Variants in ATP2B2 observed in about 807,000 individuals in gnomAD.
ATP2B2 encodes the protein ATPase plasma membrane Ca2+ transporting 2.
A neutral mutation model predicts 120.0 loss-of-function variants in ATP2B2; 15 were observed. The ratio of observed to expected loss-of-function variants is 0.12; its 90% CI spans 0.08 to 0.19. ATP2B2 has a LOEUF of 0.19. Among genes scored for constraint, ATP2B2 ranks in the 10% least tolerant of loss-of-function variants. The pLI is 1.00. For missense variants in ATP2B2, 1,045 were observed against 1,719.8 expected (o/e 0.61, Z 6.94); for synonymous variants, 694 against 700.3 (o/e 0.99, Z 0.14).
At chr3:10,422,316 T>G (rs1022791938) in intron 2 of ATP2B2, among the ~76,000 whole-genome samples, 3 of 152,214 alleles carry the variant, frequency 2.0e-5, no homozygotes, top group Non-Finnish European at 2.9e-5. Context: ...GTTGCGGGCA[T>G]CTGCTGTGAT....
chr3:10,420,551 G>A lies in ATP2B2; in HGVS notation c.200-9736C>T, dbSNP rs181840372. Among the ~76,000 whole-genome samples, 13 of 152,202 alleles carry A rather than the reference G, an allele frequency of 8.5e-5. No individual in the cohort carries two copies. The East Asian group carries it at 2.3e-3, about 27-fold the overall frequency. On this transcript the variant is annotated intron_variant, in intron 2 of 22. Transcript: ENST00000360273. The stretch of plus-strand genomic sequence containing the variant: ...TAATTTTTGTATTTTTAGTTGAGAT[G>A]GGGTTTCACCATGTTGGCCATGCTG...
intron 2 of ATP2B2, among the ~76,000 whole-genome samples, chr3:10,540,638 G>A (rs1431212930): frequency 1.1e-4 from 16 of 148,332 alleles, no homozygotes; most frequent in Non-Finnish European, 2.1e-4. Flanking sequence ...CAAACATTGC[G>A]TGTTCTCACT....
chr3:10,428,214 T>C (rs2063203226), intron 2 of ATP2B2, among the ~76,000 whole-genome samples: 1 of 152,198 alleles, frequency 6.6e-6, no homozygotes, highest in Non-Finnish European at 1.5e-5. Context: ...CCCATCTCGC[T>C]GAGTTATAGT....
At chr3:10,378,231 C>T in intron 10 of ATP2B2, 21 bp downstream of exon 10, 1 of 1,601,994 alleles carries the variant, frequency 6.2e-7, no homozygotes, top group Non-Finnish European at 8.5e-7. Flanking sequence ...CTGTCCCCTG[C>T]CTCCCACCTG....
chr3:10,548,326 T>C (rs1327810176), intron 2 of ATP2B2, among the ~76,000 whole-genome samples: 1 of 152,176 alleles, frequency 6.6e-6, no homozygotes, highest in Non-Finnish European at 1.5e-5. Context: ...ATCCCACAGA[T>C]CTAACCACCA....
chr3:10,512,471 C>CACACAG (rs2066786351), intron 3 of ATP2B2, among the ~76,000 whole-genome samples: 2 of 53,270 alleles, frequency 3.8e-5, no homozygotes, highest in Non-Finnish European at 8.6e-5. Context: ...TGCGCACACA[C>CACACAG]ACACACACAC....
intron 22 of ATP2B2, chr3:10,336,014 C>A: frequency 7.8e-7 from 1 of 1,274,010 alleles, no homozygotes; most frequent in Non-Finnish European, 1.1e-6. Flanking sequence ...ACCCTTCATC[C>A]CCCTGGGCCT....
At chr3:10,546,360 C>A (rs922027531) in intron 2 of ATP2B2, among the ~76,000 whole-genome samples, 1 of 152,198 alleles carries the variant, frequency 6.6e-6, no homozygotes, top group African/African-American at 2.4e-5. Context: ...ACAAATGATG[C>A]CTGTGTGTCC....
intron 2 of ATP2B2, among the ~76,000 whole-genome samples, chr3:10,414,044 G>C (rs974049244): frequency 6.6e-6 from 1 of 152,198 alleles, no homozygotes; most frequent in Non-Finnish European, 1.5e-5. Context: ...GGTAGGTCCT[G>C]AGAATCCCAG....
Position 10,402,060 on chromosome 3 carries a change from T to C in ATP2B2, c.655+31A>G, listed in dbSNP as rs965828118. The C allele has an allele frequency of 6.2e-7, 1 of 1,611,562 alleles. No individual in the cohort carries two copies. ...TCCCACCTCTGCCGGAATCCAGCTT[T>C]AGAACCTGGCTCTGTGGCTGGGACA... On this transcript the variant is annotated intron_variant, in intron 4 of 22. Coordinates refer to ENST00000360273, the MANE Select transcript of ATP2B2 (RefSeq NM_001001331.4). The surrounding 1 kb of genome is among the most constrained non-coding windows in gnomAD (Gnocchi z 4.9).
In ATP2B2 at chr3:10,419,529, C is replaced by T. The variant is rs568641402; in HGVS notation, c.200-8714G>A. On this transcript the variant is annotated intron_variant, in intron 2 of 22. Coordinates refer to ENST00000360273, the MANE Select transcript of ATP2B2 (RefSeq NM_001001331.4). ...AGAACACCACCACAGCCATAACATG[C>T]CCCTACCTAGATCGGGAGACCTGGT... Among the ~76,000 whole-genome samples, 154 of 152,340 alleles carry T rather than the reference C, an allele frequency of 1.0e-3. 7 individuals are homozygous for T. In the South Asian group the frequency reaches 0.032, roughly 31 times the overall value.
Position 10,343,915 on chromosome 3 carries a change from G to GT in ATP2B2, c.2704-951dup, listed in dbSNP as rs1033102027. ...TTTAGTTACATCCGTCTAGTGGCCT[G>GT]TGGAACACCTCCTCCAGGAAGCCCC... On this transcript the variant is annotated intron_variant, in intron 18 of 22. Coordinates refer to ENST00000360273, the MANE Select transcript of ATP2B2 (RefSeq NM_001001331.4). This position sits in a 1 kb window ranked among gnomAD's most constrained non-coding sequence, Gnocchi z 4.2. 9.2e-5 allele frequency among the ~76,000 whole-genome samples: 14 copies of GT among 152,016 alleles called. No individual in the cohort carries two copies. Among genetic ancestry groups the GT allele is most frequent in the African/African-American group, 3.4e-4 (14 of 41,364 alleles).
chr3:10,508,498 G>A (rs765735239), upstream of ATP2B2, among the ~76,000 whole-genome samples: 3 of 152,234 alleles, frequency 2.0e-5, no homozygotes, highest in Admixed American at 6.5e-5. Flanking sequence ...GTAAAGGCTT[G>A]AATGAGTCTG....
intron 1 of ATP2B2, among the ~76,000 whole-genome samples, chr3:10,693,485 T>C (rs1287458845): frequency 6.6e-6 from 1 of 152,220 alleles, no homozygotes; most frequent in Admixed American, 6.5e-5. Flanking sequence ...GTGGACAGGA[T>C]TAACTCCCAG....
intron 1 of ATP2B2, among the ~76,000 whole-genome samples, chr3:10,500,108 T>C (rs1217613816): frequency 2.0e-5 from 3 of 151,888 alleles, no homozygotes; most frequent in Non-Finnish European, 2.9e-5. Context: ...CTAACTTTTT[T>C]TGTATTTTTA....
At chr3:10,590,883 G>C (rs58807847) in intron 2 of ATP2B2, among the ~76,000 whole-genome samples, 5,440 of 152,128 alleles carry the variant, frequency 0.036, 316 homozygotes, top group African/African-American at 0.12. Context: ...CTCAGCTCCT[G>C]GGCTCCCTGA....
At chr3:10,410,526 A>C in intron 3 of ATP2B2, 92 bp downstream of exon 3, 1 of 1,426,068 alleles carries the variant, frequency 7.0e-7, no homozygotes, top group Non-Finnish European at 9.5e-7. Flanking sequence ...CCCTGGGAGG[A>C]GAGGATTATT....
rs559992595 is a variant in ATP2B2 at position 10,376,647 on chromosome 3, G to A, written c.1202-1003C>T. 1.8e-4 allele frequency among the ~76,000 whole-genome samples: 27 copies of A among 152,358 alleles called. No homozygotes were observed. In the East Asian group the frequency reaches 5.0e-3, roughly 28 times the overall value. ...ACACCCGCAGACTCTGACAGAGGAA[G>A]AGCCTGCTCAGGTGACTGGGTCCCC... On this transcript the variant is annotated intron_variant, in intron 10 of 22. Coordinates refer to ENST00000360273, the MANE Select transcript of ATP2B2 (RefSeq NM_001001331.4).
chr3:10,378,345 C>T lies in ATP2B2; in HGVS notation c.1108G>A (p.Ala370Thr), dbSNP rs766822562. 3.2e-5 allele frequency: 52 copies of T among 1,607,604 alleles called. No individual in the cohort carries two copies. The highest frequency in any genetic ancestry group is 1.3e-4 in the East Asian group (6 of 44,906). The change falls in exon 10 of 23, where the codon GCT (alanine) becomes ACT (threonine). Residue 370 changes from alanine (A) to threonine (T), a missense_variant. Coordinates refer to ENST00000360273, the MANE Select transcript of ATP2B2 (RefSeq NM_001001331.4). ...ATGCTGGCCTTCTTCCTGTCGTCAG[C>T]GTCGCCGCCCTCGGCACTCTTGAGG... Reference protein sequence around the residue: ...QPLKSAEGGDADDRKKASMHK... With the variant: ...QPLKSAEGGDTDDRKKASMHK...
Sources: gnomAD v4.1 joint callset for allele counts (sites outside exome capture counted in the v4.1 genomes callset) on GRCh38, gnomAD v4.1.1 for gene constraint, Gnocchi (gnomAD v3.1) non-coding constraint, MANE v1.5 for transcripts, NCBI Gene and HGNC (gene_info 2026-07-23, HGNC 2026-07-21) for gene names.